HMGCS2: variants seen among roughly 807,000 people sequenced by gnomAD.
The protein encoded by HMGCS2 is 3-hydroxy-3-methylglutaryl-CoA synthase 2.
A neutral mutation model predicts 57.4 loss-of-function variants in HMGCS2; 50 were observed. The ratio of observed to expected loss-of-function variants is 0.87; its 90% CI spans 0.69 to 1.10. HMGCS2 has a LOEUF of 1.10. Among genes scored for constraint, HMGCS2 ranks in the 50% least tolerant of loss-of-function variants. HMGCS2 has a pLI of 0.00. For synonymous variants in HMGCS2, 254 were observed against 245.1 expected, an observed-to-expected ratio of 1.04 and a Z score of -0.34; for missense variants, 627 against 636.5, an observed-to-expected ratio of 0.99 and a Z score of 0.16.
intron 8 of HMGCS2, among the ~76,000 whole-genome samples, chr1:119,751,991 G>A (rs1479144023): frequency 1.5e-5 from 2 of 131,754 alleles, no homozygotes; most frequent in African/African-American, 5.4e-5. Context: ...TGTTGCTTTT[G>A]GAGCAATATT....
At chr1:119,759,092 C>G in intron 4 of HMGCS2, 26 bp downstream of exon 4, 1 of 1,613,404 alleles carries the variant, frequency 6.2e-7, no homozygotes, top group Non-Finnish European at 8.5e-7. Context: ...ATAGAGCCCC[C>G]ACTTTCTGCC....
At chr1:119,763,477 G>A (rs764595598) in intron 2 of HMGCS2, among the ~76,000 whole-genome samples, 2 of 152,086 alleles carry the variant, frequency 1.3e-5, no homozygotes, top group African/African-American at 4.8e-5. Context: ...ATAACCCTGA[G>A]GCTCAAAGAG....
intron 7 of HMGCS2, among the ~76,000 whole-genome samples, chr1:119,753,079 T>TC (rs1652715782): frequency 1.3e-5 from 2 of 152,200 alleles, no homozygotes; most frequent in African/African-American, 4.8e-5. Context: ...CAATCTAGTC[T>TC]CTAAGTAGTA....
chr1:119,750,960 G>T, intron 8 of HMGCS2, 52 bp from the exon 9 acceptor site: 3 of 1,133,764 alleles, frequency 2.6e-6, no homozygotes, highest in South Asian at 1.3e-5. Context: ...ATGAGTTTTT[G>T]GAAGAGAAAA....
At chr1:119,750,573 C>CT (rs1350491435) in intron 9 of HMGCS2, among the ~76,000 whole-genome samples, 1 of 152,162 alleles carries the variant, frequency 6.6e-6, no homozygotes, top group Admixed American at 6.5e-5. Flanking sequence ...GCTGTGAACC[C>CT]TCCCTGGCCT....
rs1652536782 is a variant in HMGCS2 at position 119,748,624 on chromosome 1, G to A, written c.*223C>T. On this transcript the variant is annotated 3_prime_UTR_variant, in exon 10 of 10. Coordinates refer to ENST00000369406, the MANE Select transcript of HMGCS2 (RefSeq NM_005518.4). The stretch of plus-strand genomic sequence containing the variant: ...CTTGCTCTTTCACAAAGGACCCCTA[G>A]TCCATAGCACCATAAGCCCAGGACA... 6.6e-6 allele frequency: 1 copy of A among 152,166 alleles called. No individual in the cohort carries two copies. Among genetic ancestry groups the A allele is most frequent in the African/African-American group, 2.4e-5 (1 of 41,426 alleles). The allele number at this position is 152,166 out of a possible 1,614,324, so 9.4% of individuals were successfully genotyped here.
At chr1:119,759,025 G>T in intron 4 of HMGCS2, 93 bp downstream of exon 4, 1 of 1,205,916 alleles carries the variant, frequency 8.3e-7, no homozygotes, top group Non-Finnish European at 1.2e-6. Context: ...TTATTTTCAA[G>T]GCAGGAGAGA....
In HMGCS2 at chr1:119,759,182, G is replaced by A. The variant is rs1427576637; in HGVS notation, c.786C>T (p.Tyr262=). ...TGTAACATCGATCCAAGGCCCGCAA[G>A]TAGCACTGGATGGAAAGCTTCCCAT... ...IVDGKLSIQC[Y]LRALDRCYTS... is the part of the protein sequence containing the mutation. The change falls in exon 4 of 10, where the codon TAC becomes TAT. Residue 262 remains tyrosine, a synonymous_variant. Transcript: ENST00000369406. 3 of 1,614,154 alleles carry A rather than the reference G, an allele frequency of 1.9e-6. No individual in the cohort carries two copies. Among genetic ancestry groups the A allele is most frequent in the Admixed American group, 3.3e-5 (2 of 60,026 alleles).
intron 6 of HMGCS2, among the ~76,000 whole-genome samples, chr1:119,754,176 C>A (rs1652760083): frequency 6.6e-6 from 1 of 151,958 alleles, no homozygotes; most frequent in Non-Finnish European, 1.5e-5. Flanking sequence ...CATGCCTCAG[C>A]CTCTCGAGTT....
chr1:119,764,297 A>G lies in HMGCS2; in HGVS notation c.434T>C (p.Leu145Pro). 6.2e-7 allele frequency: 1 copy of G among 1,614,186 alleles called. No individual in the cohort carries two copies. Among genetic ancestry groups the G allele is most frequent in the Non-Finnish European group, 8.5e-7 (1 of 1,180,040 alleles). Residue 145 changes from leucine (L) to proline (P), a missense_variant, in exon 2 of 10, where the codon CTC becomes CCC. Leu to Pro is a moderately conservative substitution (Grantham distance 98, BLOSUM62 -3). Coordinates refer to ENST00000369406, the MANE Select transcript of HMGCS2 (RefSeq NM_005518.4). Reference protein sequence around the residue: ...IDKSKAVKTVLMELFQDSGNT... With the variant: ...IDKSKAVKTVPMELFQDSGNT... Reference sequence around the variant, plus strand: ...GCCTGAATCCTGGAAGAGTTCCATGAGCACTGTTTTGACAGCTTTGGACTT... The same window carrying G: ...GCCTGAATCCTGGAAGAGTTCCATGGGCACTGTTTTGACAGCTTTGGACTT...
At chr1:119,763,352 TAG>T (rs1557993478) in intron 2 of HMGCS2, among the ~76,000 whole-genome samples, 2 of 152,234 alleles carry the variant, frequency 1.3e-5, no homozygotes, top group Non-Finnish European at 2.9e-5. Flanking sequence ...TTAGTAAATA[TAG>T]AGTGTCTTAA....
At chr1:119,759,095 T>C (rs754604694) in intron 4 of HMGCS2, 23 bp downstream of exon 4, 3 of 1,613,710 alleles carry the variant, frequency 1.9e-6, no homozygotes, top group Non-Finnish European at 2.5e-6. Flanking sequence ...GAGCCCCCAC[T>C]TTCTGCCCTC....
At position 119,759,238 on chromosome 1, in the gene HMGCS2, G is replaced by C; in HGVS notation, c.730C>G (p.Pro244Ala). The stretch of plus-strand genomic sequence containing the variant: ...ATTGGGTACTCCGAGGCCAAATTTG[G>C]TTTGTAGAAGTCATACACATTCTCC... ...HMENVYDFYK[P>A]NLASEYPIVD... Residue 244 changes from proline (P) to alanine (A), a missense_variant, in exon 4 of 10, where the codon CCA becomes GCA. Pro to Ala is a conservative substitution (Grantham distance 27, BLOSUM62 -1). Coordinates refer to ENST00000369406, the MANE Select transcript of HMGCS2 (RefSeq NM_005518.4). 6.2e-7 allele frequency: 1 copy of C among 1,614,076 alleles called. No homozygotes were observed. The highest frequency in any genetic ancestry group is 1.3e-5 in the African/African-American group (1 of 75,032).
intron 2 of HMGCS2, among the ~76,000 whole-genome samples, chr1:119,761,891 C>T (rs1474314525): frequency 6.6e-6 from 1 of 152,174 alleles, no homozygotes; most frequent in African/African-American, 2.4e-5. Flanking sequence ...TATAATTTTA[C>T]TTGTTAAATT....
intron 4 of HMGCS2, among the ~76,000 whole-genome samples, chr1:119,758,628 G>A (rs1652929725): frequency 6.6e-6 from 1 of 152,174 alleles, no homozygotes; most frequent in East Asian, 1.9e-4. Flanking sequence ...AAAACTAAAG[G>A]TGAAAATAAA....
chr1:119,749,390 T>TC, intron 9 of HMGCS2, among the ~76,000 whole-genome samples: 1 of 132,796 alleles, frequency 7.5e-6, no homozygotes. Context: ...CTCTCTCCCT[T>TC]TCCCCCCTCC....
At position 119,752,621 on chromosome 1, in the gene HMGCS2, C is replaced by T. The variant is rs772007817; in HGVS notation, c.1348G>A (p.Ala450Thr). 1 of 1,614,088 alleles carries T rather than the reference C, an allele frequency of 6.2e-7. No homozygotes were observed. Among genetic ancestry groups the T allele is most frequent in the African/African-American group, 1.3e-5 (1 of 75,020 alleles). ...SSTSDLPKRLASRKCVSPEEF... is the reference protein window; with the variant it reads ...SSTSDLPKRLTSRKCVSPEEF... ...TCAGGAGACACACACTTTCGGGAGG[C>T]TAGGCGTTTTGGCAGGTCTGATGTG... Residue 450 changes from alanine to threonine, a missense_variant, in exon 8 of 10, where the codon GCC (alanine) becomes ACC (threonine). Physicochemically the swap from Ala to Thr is moderately conservative, Grantham distance 58. Coordinates refer to ENST00000369406, the MANE Select transcript of HMGCS2 (RefSeq NM_005518.4).
At chr1:119,750,719 C>G in intron 9 of HMGCS2, 78 bp downstream of exon 9, 1 of 900,252 alleles carries the variant, frequency 1.1e-6, no homozygotes, top group Admixed American at 1.8e-5. Context: ...GCACCTGTCC[C>G]CACCTTCTCT....
chr1:119,757,829 T>C (rs1390756193), intron 4 of HMGCS2, among the ~76,000 whole-genome samples: 3 of 152,250 alleles, frequency 2.0e-5, no homozygotes, highest in Non-Finnish European at 2.9e-5. Flanking sequence ...AGACTGTCTC[T>C]CTCACTCTGA....
Sources: allele counts gnomAD v4.1 joint callset (sites outside exome capture counted in the v4.1 genomes callset), GRCh38; gene constraint gnomAD v4.1.1; transcripts MANE v1.5; gene names NCBI Gene and HGNC (gene_info 2026-07-23, HGNC 2026-07-21).